The following IQGAP2 variants were observed in gnomAD, a reference collection of about 807,000 sequenced individuals.
IQGAP2 encodes ras GTPase-activating-like protein IQGAP2.
A neutral mutation model predicts 201.3 loss-of-function variants in IQGAP2; 173 were observed. The observed-to-expected ratio is 0.86, with a 90% CI of 0.76 to 0.98. The LOEUF (loss-of-function observed/expected upper bound fraction) is 0.98, where lower values mean the gene tolerates loss of function less well. IQGAP2 is among the 50% of genes least tolerant of loss of function. IQGAP2 has a pLI of 0.00. For synonymous variants in IQGAP2, 675 were observed against 673.9 expected (o/e 1.00, Z -0.03); for missense variants, 1,687 against 1,864.8 (o/e 0.90, Z 1.76).
In IQGAP2 at chr5:76,610,050, TTCTCTCTCTC is replaced by T. The variant is rs71604297; in HGVS notation, c.1358-952_1358-943del. On this transcript the variant is annotated intron_variant, in intron 12 of 35. Coordinates refer to ENST00000274364, the MANE Select transcript of IQGAP2 (RefSeq NM_006633.5). ...CCCTATAGTCAGTCTTGTTCTCTCT[TTCTCTCTCTC>T]TCTCTCTCTCTCTCTCTATATATAT... 4.2e-4 allele frequency among the ~76,000 whole-genome samples: 8 copies of T among 19,066 alleles called. 1 individual carries two copies. Among genetic ancestry groups the T allele is most frequent in the Middle Eastern group, 0.038 (1 of 26 alleles). The allele number at this position is 19,066 out of a possible 152,430, so 12.5% of individuals were successfully genotyped here.
At chr5:76,674,753 G>A (rs1169305421) in intron 27 of IQGAP2, 44 bp downstream of exon 27, 1 of 1,380,398 alleles carries the variant, frequency 7.2e-7, no homozygotes, top group Admixed American at 1.7e-5. Context: ...AAGAATGGTA[G>A]GCAAGAATAA....
chr5:76,540,898 C>T (rs889642971), intron 2 of IQGAP2, among the ~76,000 whole-genome samples: 1 of 152,124 alleles, frequency 6.6e-6, no homozygotes, highest in Non-Finnish European at 1.5e-5. Flanking sequence ...ACTCTAATGT[C>T]GAATGAGTGA....
intron 10 of IQGAP2, among the ~76,000 whole-genome samples, chr5:76,599,982 C>G (rs1392084210): frequency 6.6e-6 from 1 of 152,040 alleles, no homozygotes; most frequent in Non-Finnish European, 1.5e-5. Flanking sequence ...GATTTTAAAT[C>G]ATATAAACCT....
intron 2 of IQGAP2, among the ~76,000 whole-genome samples, chr5:76,505,805 T>C (rs370194043): frequency 2.0e-5 from 3 of 152,170 alleles, no homozygotes; most frequent in South Asian, 2.1e-4. Flanking sequence ...TCAAGAAACT[T>C]TTACTTAGCA....
In IQGAP2 at chr5:76,695,622, TC is replaced by T. The variant is rs1746655330; in HGVS notation, c.4163del (p.Ser1388TyrfsTer38). On this transcript the variant is annotated frameshift_variant, in exon 32 of 36. Coordinates refer to ENST00000274364, the MANE Select transcript of IQGAP2 (RefSeq NM_006633.5). LOFTEE classifies it high-confidence loss of function. ...LRTLEQTGHV[S>X]SENKYQDILN... is the part of the protein sequence containing the mutation. ...GACGTTGGAACAGACTGGACACGTG[TC>T]ATCCGAAAATAAATACCAAGACATT... The T allele has an allele frequency of 6.2e-7, 1 of 1,613,986 alleles. No individual in the cohort carries two copies. Among genetic ancestry groups the T allele is most frequent in the Non-Finnish European group, 8.5e-7 (1 of 1,179,992 alleles).
intron 2 of IQGAP2, among the ~76,000 whole-genome samples, chr5:76,496,008 C>G (rs567659638): frequency 1.3e-5 from 2 of 152,318 alleles, no homozygotes; most frequent in Admixed American, 6.5e-5. Context: ...ATACAAAGCT[C>G]TTAGCACAGA....
At chr5:76,425,423 TTAAAA>T (rs1422604047) in intron 1 of IQGAP2, among the ~76,000 whole-genome samples, 4 of 152,202 alleles carry the variant, frequency 2.6e-5, no homozygotes, top group Non-Finnish European at 4.4e-5. Flanking sequence ...CGGACACAAC[TTAAAA>T]TAAACTGATT....
At chr5:76,658,059 GA>G (rs112356042) in intron 20 of IQGAP2, among the ~76,000 whole-genome samples, 5,760 of 152,192 alleles carry the variant, frequency 0.038, 386 homozygotes, top group African/African-American at 0.13. Flanking sequence ...CCTGCAGCAA[GA>G]ATGTAAGTCA....
At chr5:76,682,482 G>A (rs79352244) in intron 28 of IQGAP2, among the ~76,000 whole-genome samples, 1 of 148,660 alleles carries the variant, frequency 6.7e-6, no homozygotes, top group Admixed American at 6.7e-5. Flanking sequence ...AAAAAAAAAA[G>A]TGTTGTCTTT....
At chr5:76,668,579 C>A in intron 22 of IQGAP2, 102 bp from the exon 23 acceptor site, 1 of 875,278 alleles carries the variant, frequency 1.1e-6, no homozygotes, top group South Asian at 1.6e-5. Flanking sequence ...GACATTAAGT[C>A]ATTGAAGAGC....
At chr5:76,500,856 G>A (rs1432247155) in intron 2 of IQGAP2, among the ~76,000 whole-genome samples, 1 of 152,058 alleles carries the variant, frequency 6.6e-6, no homozygotes, top group Admixed American at 6.6e-5. Context: ...TTTACAACAT[G>A]CTGTGAGCTG....
At chr5:76,517,334 C>G (rs998221388) in intron 2 of IQGAP2, among the ~76,000 whole-genome samples, 1 of 152,158 alleles carries the variant, frequency 6.6e-6, no homozygotes, top group Non-Finnish European at 1.5e-5. Flanking sequence ...TAAACCCACT[C>G]ACCATTGCCC....
At chr5:76,533,828 G>A (rs1344603064) in intron 2 of IQGAP2, among the ~76,000 whole-genome samples, 1 of 152,162 alleles carries the variant, frequency 6.6e-6, no homozygotes, top group African/African-American at 2.4e-5. Flanking sequence ...GTGAGCCACC[G>A]CGCCTGGCTT....
chr5:76,664,881 G>A (rs780204356), intron 21 of IQGAP2, 145 bp from the exon 22 acceptor site: 15 of 550,890 alleles, frequency 2.7e-5, no homozygotes, highest in Non-Finnish European at 4.2e-5. Context: ...AAAAAATGCG[G>A]TATCTGTGAA....
At chr5:76,653,386 A>T (rs1199704145) in intron 18 of IQGAP2, among the ~76,000 whole-genome samples, 1 of 152,216 alleles carries the variant, frequency 6.6e-6, no homozygotes, top group East Asian at 1.9e-4. Context: ...TACAACTTGG[A>T]GATCTACAAG....
chr5:76,661,339 A>T (rs1182387806), intron 21 of IQGAP2, among the ~76,000 whole-genome samples: 2 of 152,326 alleles, frequency 1.3e-5, no homozygotes, highest in South Asian at 2.1e-4. Context: ...AGAGCAACTG[A>T]AATAAGAGGT....
chr5:76,507,967 CACCCCA>C (rs1757707533), intron 2 of IQGAP2, among the ~76,000 whole-genome samples: 1 of 144,928 alleles, frequency 6.9e-6, no homozygotes, highest in Non-Finnish European at 1.5e-5. Context: ...CGCGCCACTG[CACCCCA>C]GCCTGGGTGA....
chr5:76,585,098 A>G (rs529904539), intron 5 of IQGAP2, among the ~76,000 whole-genome samples: 3 of 152,358 alleles, frequency 2.0e-5, no homozygotes, highest in Admixed American at 6.5e-5. Flanking sequence ...TTAAAAAAGC[A>G]TGAATCTAAA....
At chr5:76,405,783 G>C (rs1397951738) in intron 1 of IQGAP2, among the ~76,000 whole-genome samples, 2 of 152,148 alleles carry the variant, frequency 1.3e-5, no homozygotes, top group Non-Finnish European at 2.9e-5. Flanking sequence ...GGAAGGCTAG[G>C]GAAGGATAAC....
Sources: allele counts gnomAD v4.1 joint callset (sites outside exome capture counted in the v4.1 genomes callset), GRCh38; gene constraint gnomAD v4.1.1; transcripts MANE v1.5; gene names NCBI Gene and HGNC (gene_info 2026-07-23, HGNC 2026-07-21).